Variants in CCDC73 observed in about 807,000 individuals in gnomAD.
The protein encoded by CCDC73 is coiled-coil domain containing 73.
CCDC73 carries 95 observed loss-of-function variants against 116.5 expected under a neutral mutation model. The observed-to-expected ratio is 0.82, with a 90% CI of 0.69 to 0.97. CCDC73 has a LOEUF of 0.97. Among genes scored for constraint, CCDC73 ranks in the 50% least tolerant of loss-of-function variants. The pLI is 0.00. For synonymous variants in CCDC73, 398 were observed against 401.3 expected (o/e 0.99, Z 0.10); for missense variants, 1,066 against 1,206.8 (o/e 0.88, Z 1.73).
chr11:32,829,220 T>C, the CCDC73 span, among the ~76,000 whole-genome samples: 1 of 152,218 alleles, frequency 6.6e-6, no homozygotes, highest in Non-Finnish European at 1.5e-5. Flanking sequence ...GTAAACATAC[T>C]ACTATGGAAA....
intron 12 of CCDC73, among the ~76,000 whole-genome samples, chr11:32,650,429 C>T (rs1218087374): frequency 6.6e-6 from 1 of 152,140 alleles, no homozygotes; most frequent in Non-Finnish European, 1.5e-5. Context: ...TGTTTCAGCT[C>T]ATTTATTTGG....
chr11:32,812,644 G>A, the CCDC73 span, among the ~76,000 whole-genome samples: 1 of 150,752 alleles, frequency 6.6e-6, no homozygotes, highest in Non-Finnish European at 1.5e-5. Context: ...ACTCCAGCCT[G>A]GGCAACAAGA....
intron 14 of CCDC73, among the ~76,000 whole-genome samples, chr11:32,622,903 T>C (rs545851955): frequency 1.8e-4 from 28 of 151,930 alleles, no homozygotes; most frequent in African/African-American, 6.3e-4. Flanking sequence ...AAGGAAAAGA[T>C]AACTCAAGCA....
At chr11:32,683,660 A>C (rs886110511) in intron 6 of CCDC73, 86 bp from the exon 7 acceptor site, 33 of 768,590 alleles carry the variant, frequency 4.3e-5, no homozygotes, top group Non-Finnish European at 7.0e-5. Context: ...GTGCTATAAA[A>C]TGTGGCATGT....
chr11:32,806,142 CCTGA>C, the CCDC73 span, among the ~76,000 whole-genome samples: 2 of 152,300 alleles, frequency 1.3e-5, no homozygotes, highest in African/African-American at 2.4e-5. Context: ...ATGTGAACTT[CCTGA>C]CTAATATGTG....
intron 2 of CCDC73, among the ~76,000 whole-genome samples, chr11:32,732,627 A>G (rs1251030580): frequency 6.6e-6 from 1 of 152,148 alleles, no homozygotes; most frequent in Non-Finnish European, 1.5e-5. Context: ...CATTCTTAAA[A>G]AAAAGAATAT....
At chr11:32,664,685 T>C (rs973744623) in intron 9 of CCDC73, among the ~76,000 whole-genome samples, 1 of 152,258 alleles carries the variant, frequency 6.6e-6, no homozygotes, top group Admixed American at 6.5e-5. Flanking sequence ...TCATTTCTGC[T>C]ACAATCTTAG....
At chr11:32,626,808 T>C (rs1314110473) in intron 14 of CCDC73, among the ~76,000 whole-genome samples, 3 of 152,172 alleles carry the variant, frequency 2.0e-5, no homozygotes, top group East Asian at 3.8e-4. Flanking sequence ...CCTTACACCT[T>C]ATACAAAAAT....
intron 3 of CCDC73, among the ~76,000 whole-genome samples, chr11:32,703,924 G>C (rs1288807283): frequency 6.6e-6 from 1 of 152,168 alleles, no homozygotes; most frequent in African/African-American, 2.4e-5. Context: ...AAATTTTTCT[G>C]TTGTTTGCTC....
At chr11:32,703,087 AT>A in intron 3 of CCDC73, 143 bp from the exon 4 acceptor site, 1 of 662,436 alleles carries the variant, frequency 1.5e-6, no homozygotes, top group Non-Finnish European at 2.7e-6. Context: ...CTTTAAACCA[AT>A]TTTATGATTA....
upstream of CCDC73, among the ~76,000 whole-genome samples, chr11:32,795,690 ATTTT>A (rs541212653): frequency 7.0e-6 from 1 of 142,400 alleles, no homozygotes. Flanking sequence ...CTGCCCTCAA[ATTTT>A]TTTTTTTTTT....
intron 3 of CCDC73, among the ~76,000 whole-genome samples, chr11:32,708,134 A>T (rs561173323): frequency 6.6e-6 from 1 of 152,326 alleles, no homozygotes; most frequent in South Asian, 2.1e-4. Flanking sequence ...CTTGCCAATT[A>T]TCCCAGCACC....
chr11:32,632,773 A>G (rs1253515549), intron 14 of CCDC73, among the ~76,000 whole-genome samples: 2 of 152,006 alleles, frequency 1.3e-5, no homozygotes, highest in East Asian at 1.9e-4. Flanking sequence ...TAAAATATAT[A>G]TATATAGTTT....
At chr11:32,819,413 G>A in the CCDC73 span, among the ~76,000 whole-genome samples, 1 of 150,430 alleles carries the variant, frequency 6.6e-6, no homozygotes, top group African/African-American at 2.4e-5. Context: ...GGAACTTAAA[G>A]AACTACAAAT....
intron 12 of CCDC73, among the ~76,000 whole-genome samples, chr11:32,644,892 T>A (rs1234856331): frequency 6.6e-6 from 1 of 152,168 alleles, no homozygotes; most frequent in Non-Finnish European, 1.5e-5. Context: ...CTTAGCAAAA[T>A]GCATTTGAGA....
In CCDC73 at chr11:32,677,845, A is replaced by G. The variant is rs541251215; in HGVS notation, c.430-1824T>C. On this transcript the variant is annotated intron_variant, in intron 7 of 17. Coordinates refer to ENST00000335185, the MANE Select transcript of CCDC73 (RefSeq NM_001008391.4). ...TGCGCGCCTGTAATCCCAGCTACTC[A>G]GGAGGCTGAGACAGGAGAATCATTT... 8.0e-5 allele frequency among the ~76,000 whole-genome samples: 12 copies of G among 149,576 alleles called. No homozygotes were observed. The South Asian group carries it at 1.9e-3, about 24-fold the overall frequency.
At chr11:32,623,564 G>A (rs145927137) in intron 14 of CCDC73, among the ~76,000 whole-genome samples, 1 of 152,240 alleles carries the variant, frequency 6.6e-6, no homozygotes, top group Non-Finnish European at 1.5e-5. Flanking sequence ...ATGTTCTCCA[G>A]ACAGGTCTTG....
rs369012258 is a variant in CCDC73, at chr11:32,776,344, A to G, written c.-15-16086T>C. Among the ~76,000 whole-genome samples, 59 of 152,146 alleles carry G rather than the reference A, an allele frequency of 3.9e-4. 1 individual carries two copies. In the South Asian group the frequency reaches 0.012, roughly 31 times the overall value. ...GCAAAACATCACCTAAACCTCATCA[A>G]TTTCCAAACTCAAAGAGTTCTTTTT... On this transcript the variant is annotated intron_variant, in intron 1 of 17. Coordinates refer to ENST00000335185, the MANE Select transcript of CCDC73 (RefSeq NM_001008391.4).
chr11:32,750,161 C>T (rs1850274866), intron 2 of CCDC73, among the ~76,000 whole-genome samples: 2 of 152,202 alleles, frequency 1.3e-5, no homozygotes, highest in South Asian at 4.1e-4. Flanking sequence ...TGAGCCAACG[C>T]TCCTGGCCTC....
Sources: gnomAD v4.1 joint callset for allele counts (sites outside exome capture counted in the v4.1 genomes callset) on GRCh38, gnomAD v4.1.1 for gene constraint, MANE v1.5 for transcripts, NCBI Gene and HGNC (gene_info 2026-07-23, HGNC 2026-07-21) for gene names.